KRAS: variants seen among roughly 807,000 people sequenced by gnomAD.
KRAS encodes the protein KRas proto-oncogene, GTPase.
In KRAS, 1 loss-of-function variant was observed where a neutral mutation model predicts 21.0. The ratio of observed to expected loss-of-function variants is 0.05; its 90% CI spans 0.02 to 0.23. The LOEUF (loss-of-function observed/expected upper bound fraction) is 0.23. Ranked by LOEUF, KRAS falls within the 10% of genes least tolerant of loss-of-function variation. The pLI is 1.00. For missense variants in KRAS, 107 were observed against 221.8 expected (o/e 0.48, Z 3.29); for synonymous variants, 67 against 72.5 (o/e 0.92, Z 0.39).
intron 4 of KRAS, among the ~76,000 whole-genome samples, chr12:25,212,697 CT>C (rs1377608595): frequency 2.0e-5 from 3 of 152,086 alleles, no homozygotes; most frequent in African/African-American, 7.2e-5. Context: ...ATAACATTAT[CT>C]TTTTCAGGAC....
chr12:25,249,351 G>A (rs1426866025), intron 1 of KRAS, among the ~76,000 whole-genome samples: 6 of 150,362 alleles, frequency 4.0e-5, no homozygotes, highest in South Asian at 4.2e-4. Context: ...GAGCCGAGAC[G>A]GCGCCACTGC....
intron 2 of KRAS, among the ~76,000 whole-genome samples, chr12:25,229,014 G>A (rs1016616943): frequency 7.2e-5 from 11 of 152,008 alleles, no homozygotes; most frequent in African/African-American, 2.2e-4. Flanking sequence ...AGCCAAGATC[G>A]CTCCACTGCA....
At chr12:25,228,811 AAC>A (rs2141513105) in intron 2 of KRAS, among the ~76,000 whole-genome samples, 1 of 152,334 alleles carries the variant, frequency 6.6e-6, no homozygotes, top group African/African-American at 2.4e-5. Flanking sequence ...TTGCAATCCC[AAC>A]ACTTTGGGAG....
At chr12:25,214,662 A>T (rs1035610776) in intron 4 of KRAS, among the ~76,000 whole-genome samples, 5 of 152,216 alleles carry the variant, frequency 3.3e-5, no homozygotes, top group African/African-American at 1.2e-4. Flanking sequence ...TGCTGGGATT[A>T]CAGGCGTGAG....
chr12:25,248,466 G>A (rs895963403), intron 1 of KRAS, among the ~76,000 whole-genome samples: 1 of 151,964 alleles, frequency 6.6e-6, no homozygotes, highest in Non-Finnish European at 1.5e-5. Context: ...AAACAAAGAG[G>A]GTAGAGGGGT....
At chr12:25,229,768 ATCTTT>A (rs1951441472) in intron 2 of KRAS, among the ~76,000 whole-genome samples, 1 of 96,494 alleles carries the variant, frequency 1.0e-5, no homozygotes, top group Non-Finnish European at 2.0e-5. Context: ...GTATTAATGT[ATCTTT>A]TTTTTTTTTT....
At chr12:25,228,668 A>G (rs1951425162) in intron 2 of KRAS, among the ~76,000 whole-genome samples, 1 of 152,158 alleles carries the variant, frequency 6.6e-6, no homozygotes, top group African/African-American at 2.4e-5. Flanking sequence ...GATGATAAAA[A>G]AAAGTTCTCA....
Position 25,250,874 on chromosome 12 carries a change from T to TCGCCGCCGCCACTGC in KRAS, c.-150_-136dup, listed in dbSNP as rs1157755968. The TCGCCGCCGCCACTGC allele has an allele frequency of 2.7e-4, 65 of 242,814 alleles. No individual in the cohort carries two copies. The highest frequency in any genetic ancestry group is 4.0e-4 in the Non-Finnish European group (51 of 128,964). 15.0% of individuals were successfully genotyped at this position (242,814 alleles called of 1,614,324 possible). A position where few individuals can be genotyped will look rare whatever the true frequency, so the allele number is the denominator to read the frequency against. ...AGTACTGGCCGAGCCGCCGCCACCT[T>TCGCCGCCGCCACTGC]CGCCGCCGCCACTGCCGCCGCCGCT... On this transcript the variant is annotated 5_prime_UTR_variant, in exon 1 of 5. Coordinates refer to ENST00000311936, the MANE Select transcript of KRAS (RefSeq NM_004985.5).
intron 1 of KRAS, among the ~76,000 whole-genome samples, chr12:25,248,724 C>T (rs1469855914): frequency 1.3e-5 from 2 of 151,998 alleles, no homozygotes; most frequent in Admixed American, 1.3e-4. Flanking sequence ...GGGAGGGGAT[C>T]CCTCACCGAG....
chr12:25,216,942 G>T (rs1436357602), intron 4 of KRAS, among the ~76,000 whole-genome samples: 3 of 152,106 alleles, frequency 2.0e-5, no homozygotes, highest in Non-Finnish European at 4.4e-5. Context: ...ATTTTTTAAA[G>T]CTGGTATATT....
rs1327592470 is a variant in KRAS at position 25,208,288 on chromosome 12, C to T, written c.*1507G>A. ...ATCTAGAACCTAAGTCACCTTCTTCCTAGTCCAGTGATACTTTCACCTCAC... is the reference window on the plus strand; with the variant it reads ...ATCTAGAACCTAAGTCACCTTCTTCTTAGTCCAGTGATACTTTCACCTCAC... On this transcript the variant is annotated 3_prime_UTR_variant, in exon 5 of 5. Coordinates refer to ENST00000311936, the MANE Select transcript of KRAS (RefSeq NM_004985.5). The T allele has an allele frequency of 4.3e-6, 1 of 233,154 alleles. No homozygotes were observed. Among genetic ancestry groups the T allele is most frequent in the Non-Finnish European group, 8.5e-6 (1 of 117,864 alleles). The allele number at this position is 233,154 out of a possible 1,614,324, so 14.4% of individuals were successfully genotyped here.
Position 25,224,352 on chromosome 12 carries a change from A to G in KRAS, c.450+1262T>C, listed in dbSNP as rs1428322781. Among the ~76,000 whole-genome samples the G allele has an allele frequency of 2.6e-5, 4 of 152,064 alleles. No individual in the cohort carries two copies. The South Asian group carries it at 8.3e-4, about 31-fold the overall frequency. On this transcript the variant is annotated intron_variant, in intron 4 of 4. Transcript: ENST00000311936. ...CAAGATGTGGAAGTGGAAGACAATG[A>G]TATTGATGGTCCTGACCCTGTGTAG...
chr12:25,233,712 G>A (rs1273571300), intron 2 of KRAS: 1 of 211,040 alleles, frequency 4.7e-6, no homozygotes, highest in Admixed American at 5.9e-5. Context: ...TAAACTCCGT[G>A]TTGGTAGGGC....
intron 4 of KRAS, among the ~76,000 whole-genome samples, chr12:25,218,519 T>A (rs968235536): frequency 6.6e-6 from 1 of 152,176 alleles, no homozygotes; most frequent in Admixed American, 6.5e-5. Context: ...GCTCATATAA[T>A]TAACAGCACA....
intron 2 of KRAS, chr12:25,235,299 T>A (rs1951530252): frequency 4.1e-6 from 2 of 485,678 alleles, no homozygotes; most frequent in East Asian, 6.1e-5. Context: ...GAAAGGTTAT[T>A]TAAATTCACT....
chr12:25,243,819 A>G (rs997480983), intron 2 of KRAS, among the ~76,000 whole-genome samples: 1 of 152,230 alleles, frequency 6.6e-6, no homozygotes, highest in Non-Finnish European at 1.5e-5. Flanking sequence ...AAACCTCTTC[A>G]AAGAAACAAA....
chr12:25,212,871 A>G (rs1162510507), intron 4 of KRAS, among the ~76,000 whole-genome samples: 1 of 152,056 alleles, frequency 6.6e-6, no homozygotes, highest in African/African-American at 2.4e-5. Flanking sequence ...TATAAGTGTG[A>G]GCCACTGTCC....
intron 2 of KRAS, among the ~76,000 whole-genome samples, chr12:25,227,991 TACATACAGTGGA>T (rs1951414724): frequency 6.6e-6 from 1 of 152,208 alleles, no homozygotes; most frequent in South Asian, 2.1e-4. Context: ...ATGTAGTATA[TACATACAGTGGA>T]ACATTATTCA....
intron 4 of KRAS, among the ~76,000 whole-genome samples, chr12:25,221,024 CAAAAAAAAAA>C (rs67015511): frequency 1.2e-5 from 1 of 84,810 alleles, no homozygotes; most frequent in African/African-American, 5.0e-5. Context: ...GACTCTGCCT[CAAAAAAAAAA>C]AAAAAAAAAA....
Sources: gnomAD v4.1 joint callset for allele counts (sites outside exome capture counted in the v4.1 genomes callset) on GRCh38, gnomAD v4.1.1 for gene constraint, MANE v1.5 for transcripts, NCBI Gene and HGNC (gene_info 2026-07-23, HGNC 2026-07-21) for gene names.